Variants in OPRD1 observed in about 807,000 individuals in gnomAD.
OPRD1 encodes opioid receptor delta 1, also known as delta-type opioid receptor.
A neutral mutation model predicts 17.5 loss-of-function variants in OPRD1; 19 were observed. The ratio of observed to expected loss-of-function variants is 1.09; its 90% CI spans 0.76 to 1.60. The LOEUF is 1.60. Ranked by LOEUF, OPRD1 falls within the 40% of genes most tolerant of loss-of-function variation. The probability of loss-of-function intolerance (pLI) is 0.00; values close to 1 mark genes in which losing one functional copy is unlikely to be tolerated. For synonymous variants in OPRD1, 256 were observed against 240.9 expected, an observed-to-expected ratio of 1.06 and a Z score of -0.58; for missense variants, 483 against 547.2, an observed-to-expected ratio of 0.88 and a Z score of 1.17.
chr1:28,813,836 G>A (rs1054524963), intron 1 of OPRD1, among the ~76,000 whole-genome samples: 4 of 152,148 alleles, frequency 2.6e-5, no homozygotes, highest in African/African-American at 9.7e-5. Context: ...CCTAGTCATG[G>A]ATGCCCAGGC....
intron 1 of OPRD1, among the ~76,000 whole-genome samples, chr1:28,852,925 G>A (rs1242331933): frequency 1.3e-5 from 2 of 151,944 alleles, no homozygotes; most frequent in Admixed American, 6.6e-5. Context: ...TCACTATGTT[G>A]GCCAGGCTAA....
chr1:28,820,735 T>C (rs1323733972), intron 1 of OPRD1, among the ~76,000 whole-genome samples: 1 of 151,918 alleles, frequency 6.6e-6, no homozygotes, highest in Non-Finnish European at 1.5e-5. Flanking sequence ...GAAGGATGGC[T>C]TGAACCCAGA....
intron 1 of OPRD1, among the ~76,000 whole-genome samples, chr1:28,848,198 G>A (rs891784368): frequency 6.6e-6 from 1 of 151,872 alleles, no homozygotes; most frequent in African/African-American, 2.4e-5. Context: ...GCAGTGAGCC[G>A]AGATCGTGCC....
rs377620940 is a variant in OPRD1, at chr1:28,843,168, T to C, written c.228-15786T>C. Among the ~76,000 whole-genome samples the C allele has an allele frequency of 8.5e-5, 13 of 152,220 alleles. No individual in the cohort carries two copies. The East Asian group carries it at 2.3e-3, about 27-fold the overall frequency. On this transcript the variant is annotated intron_variant, in intron 1 of 2. Coordinates refer to ENST00000234961, the MANE Select transcript of OPRD1 (RefSeq NM_000911.4). The stretch of plus-strand genomic sequence containing the variant: ...GCTCAAGATCACTGAGCTATGTATG[T>C]TGGGGAGCCAAGATCTGAATGGCTC...
At chr1:28,846,360 G>T (rs1406299965) in intron 1 of OPRD1, among the ~76,000 whole-genome samples, 1 of 152,136 alleles carries the variant, frequency 6.6e-6, no homozygotes, top group East Asian at 1.9e-4. Flanking sequence ...TGCCACCACG[G>T]TCAGGTTCTG....
chr1:28,832,228 T>C (rs1198378710), intron 1 of OPRD1, among the ~76,000 whole-genome samples: 1 of 152,168 alleles, frequency 6.6e-6, no homozygotes, highest in Admixed American at 6.6e-5. Flanking sequence ...ATTTGTAATG[T>C]CATTAAAATA....
chr1:28,859,700 C>T (rs2089095598), intron 2 of OPRD1, among the ~76,000 whole-genome samples: 1 of 152,172 alleles, frequency 6.6e-6, no homozygotes, highest in East Asian at 1.9e-4. Context: ...GTGAGGGTGT[C>T]ACTGACCAGT....
At chr1:28,850,679 A>C (rs931361802) in intron 1 of OPRD1, among the ~76,000 whole-genome samples, 2 of 151,744 alleles carry the variant, frequency 1.3e-5, no homozygotes, top group Admixed American at 1.3e-4. Flanking sequence ...GCTACTCAGG[A>C]GTCTGAGGTG....
chr1:28,849,526 A>G (rs2088980916), intron 1 of OPRD1, among the ~76,000 whole-genome samples: 3 of 152,210 alleles, frequency 2.0e-5, no homozygotes, highest in Admixed American at 2.0e-4. Flanking sequence ...ACACACGCAC[A>G]CACAGGGGCA....
intron 1 of OPRD1, among the ~76,000 whole-genome samples, chr1:28,850,209 C>G (rs916503315): frequency 2.6e-5 from 4 of 151,826 alleles, no homozygotes; most frequent in Admixed American, 6.6e-5. Flanking sequence ...AAGACAGGGG[C>G]CAGGCATGAT....
chr1:28,846,701 AAAAAG>A (rs1399743940), intron 1 of OPRD1, among the ~76,000 whole-genome samples: 1 of 130,952 alleles, frequency 7.6e-6, no homozygotes, highest in African/African-American at 2.5e-5. Context: ...AAAAAAAAAA[AAAAAG>A]AGAGAGAGAG....
chr1:28,857,942 AC>A (rs2089071917), intron 1 of OPRD1, among the ~76,000 whole-genome samples: 2 of 151,360 alleles, frequency 1.3e-5, no homozygotes, highest in South Asian at 4.1e-4. Flanking sequence ...ACAGGCGTGC[AC>A]CACTACGCCC....
Position 28,857,657 on chromosome 1 carries a change from A to ATTC in OPRD1, c.228-1295_228-1294insCTT, listed in dbSNP as rs1437351258. Reference sequence around the variant, plus strand: ...TAATTTTTGTATTATTATTATTATTATTGTTATTTGTAGATATGGGGTTTC... The same window carrying ATTC: ...TAATTTTTGTATTATTATTATTATTATTCTTGTTATTTGTAGATATGGGGTTTC... On this transcript the variant is annotated intron_variant, in intron 1 of 2. Coordinates refer to ENST00000234961, the MANE Select transcript of OPRD1 (RefSeq NM_000911.4). Among the ~76,000 whole-genome samples, 5 of 151,458 alleles carry ATTC rather than the reference A, an allele frequency of 3.3e-5. No individual in the cohort carries two copies. The South Asian group carries it at 6.2e-4, about 19-fold the overall frequency.
chr1:28,859,237 T>C lies in OPRD1; in HGVS notation c.511T>C (p.Cys171Arg), dbSNP rs369753127. ...TPAKAKLINI[C>R]IWVLASGVGV... The stretch of plus-strand genomic sequence containing the variant: ...TGCCAAGGCCAAGCTGATCAACATC[T>C]GTATCTGGGTCCTGGCCTCAGGCGT... Residue 171 changes from cysteine to arginine, a missense_variant, in exon 2 of 3, where the codon TGT (cysteine) becomes CGT (arginine). Coordinates refer to ENST00000234961, the MANE Select transcript of OPRD1 (RefSeq NM_000911.4). 1.2e-6 allele frequency: 2 copies of C among 1,614,100 alleles called. No individual in the cohort carries two copies. Among genetic ancestry groups the C allele is most frequent in the African/African-American group, 2.7e-5 (2 of 74,950 alleles).
intron 1 of OPRD1, among the ~76,000 whole-genome samples, chr1:28,843,070 G>C (rs1442072701): frequency 6.6e-6 from 1 of 152,000 alleles, no homozygotes; most frequent in Admixed American, 6.6e-5. Context: ...GCTTTCACAC[G>C]TGCGGCTCCT....
intron 1 of OPRD1, among the ~76,000 whole-genome samples, chr1:28,830,548 C>T (rs986369780): frequency 5.9e-5 from 9 of 152,058 alleles, no homozygotes; most frequent in African/African-American, 2.2e-4. Flanking sequence ...ACAACAACAA[C>T]AAAAACACTA....
chr1:28,851,793 C>T (rs1203263213), intron 1 of OPRD1, among the ~76,000 whole-genome samples: 4 of 148,506 alleles, frequency 2.7e-5, no homozygotes, highest in Admixed American at 1.4e-4. Context: ...ATTGCTTGAA[C>T]CGGGGAGGCG....
chr1:28,855,993 G>A (rs1052357419), intron 1 of OPRD1, among the ~76,000 whole-genome samples: 4 of 152,206 alleles, frequency 2.6e-5, no homozygotes, highest in Admixed American at 2.0e-4. Context: ...ACTTCATGCA[G>A]GAACAGCCTT....
intron 1 of OPRD1, among the ~76,000 whole-genome samples, chr1:28,855,731 C>A (rs535387013): frequency 6.6e-6 from 1 of 152,224 alleles, no homozygotes; most frequent in Non-Finnish European, 1.5e-5. Flanking sequence ...CAAAGAACAG[C>A]CTCTAATTGT....
Sources: gnomAD v4.1 joint callset for allele counts (sites outside exome capture counted in the v4.1 genomes callset) on GRCh38, gnomAD v4.1.1 for gene constraint, MANE v1.5 for transcripts, NCBI Gene and HGNC (gene_info 2026-07-23, HGNC 2026-07-21) for gene names.